KY: variants seen among roughly 807,000 people sequenced by gnomAD.
KY encodes kyphoscoliosis peptidase.
Under a neutral mutation model 76.1 loss-of-function variants are expected in KY, and 43 were observed. The ratio of observed to expected loss-of-function variants is 0.57; its 90% confidence interval spans 0.44 to 0.73. The LOEUF (loss-of-function observed/expected upper bound fraction) is 0.73. KY is among the 30% of genes least tolerant of loss of function. The pLI is 0.00. For missense variants in KY, 722 were observed against 828.9 expected (o/e 0.87, Z 1.58); for synonymous variants, 277 against 326.2 (o/e 0.85, Z 1.63).
At chr3:134,638,049 T>C (rs1965225132) in intron 3 of KY, among the ~76,000 whole-genome samples, 1 of 152,222 alleles carries the variant, frequency 6.6e-6, no homozygotes, top group South Asian at 2.1e-4. Flanking sequence ...GTGCTGCTGC[T>C]TAGCATTCCC....
Position 134,626,555 on chromosome 3 carries a change from G to A in KY, c.400+1201C>T, listed in dbSNP as rs369309013. Among the ~76,000 whole-genome samples, 217 of 152,306 alleles carry A rather than the reference G, an allele frequency of 1.4e-3. 1 individual carries two copies. The highest frequency in any genetic ancestry group is 4.9e-3 in the African/African-American group (204 of 41,560). ...TCCCTGCCTGGTGGGGGACACTGCAGGTGCATTTGCCCACACGTCGTCAGG... is the reference window on the plus strand; with the variant it reads ...TCCCTGCCTGGTGGGGGACACTGCAAGTGCATTTGCCCACACGTCGTCAGG... On this transcript the variant is annotated intron_variant, in intron 5 of 10. Transcript: ENST00000423778.
intron 8 of KY, among the ~76,000 whole-genome samples, chr3:134,612,787 G>GTGTGTGTGTGTGTGTT (rs1960750785): frequency 1.3e-5 from 2 of 151,458 alleles, no homozygotes; most frequent in African/African-American, 2.4e-5. Context: ...GTGTGTGTGT[G>GTGTGTGTGTGTGTGTT]TGTGTGTGTT....
At chr3:134,614,439 C>A (rs1961125110) in intron 8 of KY, among the ~76,000 whole-genome samples, 1 of 151,982 alleles carries the variant, frequency 6.6e-6, no homozygotes, top group East Asian at 1.9e-4. Context: ...CCAAGGAGCA[C>A]CCTGGAGGAT....
chr3:134,607,136 T>G lies in KY; in HGVS notation c.1090+1513A>C, dbSNP rs907766816. ...GTGTTGCTTTGACCTGGTCAGTTCT[T>G]TCCGATATTTCCACGGCCTATGATA... On this transcript the variant is annotated intron_variant, in intron 10 of 10. Transcript: ENST00000423778. 8 of 985,348 alleles carry G rather than the reference T, an allele frequency of 8.1e-6. No homozygotes were observed. In the East Asian group the frequency reaches 9.1e-4, roughly 112 times the overall value. The allele number at this position is 985,348 out of a possible 1,614,324, so 61.0% of individuals were successfully genotyped here. A position where few individuals can be genotyped will look rare whatever the true frequency, so the allele number is the denominator to read the frequency against.
chr3:134,616,069 G>T (rs576156483), intron 8 of KY, among the ~76,000 whole-genome samples: 1 of 152,346 alleles, frequency 6.6e-6, no homozygotes, highest in South Asian at 2.1e-4. Context: ...CGACTCAAGA[G>T]CAGCAGTCTG....
rs1381358371 is a variant in KY at position 134,603,631 on chromosome 3, G to A, written c.1934C>T (p.Ala645Val). The change falls in exon 11 of 11, where the codon GCC becomes GTC. Residue 645 changes from alanine to valine, a missense_variant. Physicochemically the swap from Ala to Val is moderately conservative, Grantham distance 64. Transcript: ENST00000423778. Reference sequence around the variant, plus strand: ...GATGTAGGAGTAGAAATTGTGGTTGGCATTCTCCAGCACCATGACATAGAC... The same window carrying A: ...GATGTAGGAGTAGAAATTGTGGTTGACATTCTCCAGCACCATGACATAGAC... ...QEVYVMVLENANHNFYSYILK... is the reference protein window; with the variant it reads ...QEVYVMVLENVNHNFYSYILK... 8.1e-6 allele frequency: 13 copies of A among 1,605,852 alleles called. No individual in the cohort carries two copies. Among genetic ancestry groups the A allele is most frequent in the South Asian group, 1.1e-5 (1 of 90,046 alleles).
At chr3:134,616,742 A>C (rs1162998843) in intron 8 of KY, among the ~76,000 whole-genome samples, 1 of 152,242 alleles carries the variant, frequency 6.6e-6, no homozygotes, top group African/African-American at 2.4e-5. Context: ...ACTCAAGGCA[A>C]GTGTCAATTT....
At chr3:134,626,575 G>A (rs1014000050) in intron 5 of KY, among the ~76,000 whole-genome samples, 11 of 152,312 alleles carry the variant, frequency 7.2e-5, no homozygotes, top group South Asian at 6.2e-4. Flanking sequence ...CCCACACGTC[G>A]TCAGGGCTGC....
chr3:134,605,189 A>T (rs944858240), intron 10 of KY, among the ~76,000 whole-genome samples: 5 of 152,084 alleles, frequency 3.3e-5, no homozygotes, highest in Non-Finnish European at 5.9e-5. Context: ...TTTGAGGGAC[A>T]GGTGGTCAGT....
At chr3:134,636,298 A>G (rs1577760995) in intron 3 of KY, among the ~76,000 whole-genome samples, 1 of 152,346 alleles carries the variant, frequency 6.6e-6, no homozygotes, top group Middle Eastern at 3.4e-3. Flanking sequence ...GCTGTGCTTG[A>G]TTGCAAAACT....
At chr3:134,633,366 C>A (rs913812862) in intron 3 of KY, among the ~76,000 whole-genome samples, 1 of 152,030 alleles carries the variant, frequency 6.6e-6, no homozygotes, top group Admixed American at 6.5e-5. Context: ...AATATTACAA[C>A]ATTAAATCCA....
At chr3:134,638,798 A>G (rs1323273403) in intron 3 of KY, among the ~76,000 whole-genome samples, 1 of 152,232 alleles carries the variant, frequency 6.6e-6, no homozygotes, top group Non-Finnish European at 1.5e-5. Context: ...CTAAAGGCCT[A>G]ATTGGCTCAG....
At chr3:134,630,660 A>G (rs1206138997) in intron 3 of KY, among the ~76,000 whole-genome samples, 1 of 152,214 alleles carries the variant, frequency 6.6e-6, no homozygotes, top group Admixed American at 6.5e-5. Context: ...GGGGTAGATT[A>G]AGGCCCAGGT....
intron 1 of KY, 115 bp downstream of exon 1, chr3:134,650,710 T>A (rs1448566175): frequency 1.0e-6 from 1 of 967,230 alleles, no homozygotes; most frequent in Non-Finnish European, 1.5e-6. Flanking sequence ...GGGGAGAGGG[T>A]CGGGTTCGCT....
At chr3:134,628,250 C>T (rs1445449405) in intron 4 of KY, 3 of 180,182 alleles carry the variant, frequency 1.7e-5, no homozygotes, top group Admixed American at 1.7e-4. Context: ...GTGTGAAGGT[C>T]AAAACCTAGA....
chr3:134,637,430 A>G (rs1191527485), intron 3 of KY, among the ~76,000 whole-genome samples: 1 of 152,188 alleles, frequency 6.6e-6, no homozygotes, highest in Non-Finnish European at 1.5e-5. Context: ...ATTGAGAAAC[A>G]TGTTCACTCT....
At position 134,648,209 on chromosome 3, in the gene KY, C is replaced by T. The variant is rs72976212; in HGVS notation, c.137-712G>A. Among the ~76,000 whole-genome samples the T allele has an allele frequency of 8.5e-3, 1,287 of 152,276 alleles. 33 individuals are homozygous for T. The East Asian group carries it at 0.088, about 10-fold the overall frequency. ...GGAGTATTCAGTGCTCCTTGGTGGC[C>T]GAGGAGGTTTCCTCACTAGACCAGC... On this transcript the variant is annotated intron_variant, in intron 1 of 10. Transcript: ENST00000423778.
intron 3 of KY, among the ~76,000 whole-genome samples, chr3:134,640,335 G>C (rs887096879): frequency 2.0e-5 from 3 of 152,136 alleles, no homozygotes; most frequent in Non-Finnish European, 1.5e-5. Context: ...CACAGACATG[G>C]GTTCAACTTC....
chr3:134,637,058 A>T (rs1577766516), intron 3 of KY, among the ~76,000 whole-genome samples: 1 of 152,344 alleles, frequency 6.6e-6, no homozygotes, highest in East Asian at 1.9e-4. Flanking sequence ...TGCATGCCAA[A>T]GAGGGTCATT....
Sources: gnomAD v4.1 joint callset for allele counts (sites outside exome capture counted in the v4.1 genomes callset) on GRCh38, gnomAD v4.1.1 for gene constraint, MANE v1.5 for transcripts, NCBI Gene and HGNC (gene_info 2026-07-23, HGNC 2026-07-21) for gene names.